OXR1: variants seen among roughly 807,000 people sequenced by gnomAD.
OXR1 encodes oxidation resistance 1.
In OXR1, 41 loss-of-function variants were observed where a neutral mutation model predicts 104.6. The ratio of observed to expected loss-of-function variants is 0.39; its 90% CI spans 0.31 to 0.51. The LOEUF is 0.51. Ranked by LOEUF, OXR1 falls within the 20% of genes least tolerant of loss-of-function variation. OXR1 has a pLI of 0.77. For synonymous variants in OXR1, 348 were observed against 348.4 expected (o/e 1.00, Z 0.01); for missense variants, 955 against 1,031.9 (o/e 0.93, Z 1.02).
intron 2 of OXR1, among the ~76,000 whole-genome samples, chr8:106,471,025 A>G (rs932499568): frequency 3.3e-5 from 5 of 151,716 alleles, no homozygotes; most frequent in Admixed American, 2.6e-4. Context: ...AGAGAATTAG[A>G]GACAATAAAT....
At chr8:106,461,998 T>TTCCA (rs1820941425) in intron 2 of OXR1, among the ~76,000 whole-genome samples, 1 of 152,186 alleles carries the variant, frequency 6.6e-6, no homozygotes, top group African/African-American at 2.4e-5. Context: ...GTGAATTTAT[T>TTCCA]TCCATTTTGT....
intron 3 of OXR1, chr8:106,520,406 A>G (rs569349147): frequency 1.1e-3 from 162 of 152,224 alleles, no homozygotes; most frequent in African/African-American, 3.7e-3. Context: ...TTTGGGTTAA[A>G]TTCCTTCCTT....
At chr8:106,546,162 A>G (rs539822449) in intron 3 of OXR1, among the ~76,000 whole-genome samples, 21 of 152,338 alleles carry the variant, frequency 1.4e-4, no homozygotes, top group African/African-American at 4.6e-4. Context: ...TCACCAGGCT[A>G]CAGGACATTC....
chr8:106,383,677 A>G (rs1817253599), intron 2 of OXR1, among the ~76,000 whole-genome samples: 1 of 152,244 alleles, frequency 6.6e-6, no homozygotes, highest in African/African-American at 2.4e-5. Flanking sequence ...CATAGCTCAC[A>G]GTCTGGTGAA....
chr8:106,710,868 A>G lies in OXR1; in HGVS notation c.1793+78A>G, dbSNP rs919824133. On this transcript the variant is annotated intron_variant, in intron 10 of 16. Transcript: ENST00000517566. ...AATTATTTTGTGTGTCAAAATACCA[A>G]TGATAAACTATTGAAACATAGTTTA... 1.9e-5 allele frequency: 16 copies of G among 862,660 alleles called. No individual in the cohort carries two copies. The South Asian group carries it at 3.1e-4, about 17-fold the overall frequency. 53.4% of individuals were successfully genotyped at this position (862,660 alleles called of 1,614,324 possible).
At chr8:106,695,145 T>C (rs1829881158) in intron 7 of OXR1, among the ~76,000 whole-genome samples, 1 of 150,760 alleles carries the variant, frequency 6.6e-6, no homozygotes, top group Non-Finnish European at 1.5e-5. Flanking sequence ...AATTCATTGT[T>C]ATTATTTTTG....
intron 1 of OXR1, among the ~76,000 whole-genome samples, chr8:106,339,945 A>G (rs925137200): frequency 2.6e-5 from 4 of 152,156 alleles, no homozygotes; most frequent in South Asian, 2.1e-4. Context: ...AATGTGAATC[A>G]ATAAATATTA....
chr8:106,657,299 T>C (rs1044974354), intron 3 of OXR1, among the ~76,000 whole-genome samples: 7 of 143,518 alleles, frequency 4.9e-5, no homozygotes, highest in African/African-American at 1.9e-4. Flanking sequence ...GTTGAAGGTA[T>C]CTCCGCCGTC....
At chr8:106,497,149 T>A (rs528452432) in intron 2 of OXR1, among the ~76,000 whole-genome samples, 1 of 152,318 alleles carries the variant, frequency 6.6e-6, no homozygotes, top group Non-Finnish European at 1.5e-5. Context: ...CCACTAGAGC[T>A]GTTATCTGTG....
chr8:106,346,100 C>T (rs370227672), intron 1 of OXR1, among the ~76,000 whole-genome samples: 2 of 119,944 alleles, frequency 1.7e-5, no homozygotes, highest in South Asian at 6.8e-4. Flanking sequence ...TTTATTCCAC[C>T]CCCCCTACCG....
intron 3 of OXR1, among the ~76,000 whole-genome samples, chr8:106,573,682 A>G (rs1817634223): frequency 6.6e-6 from 1 of 152,226 alleles, no homozygotes; most frequent in African/African-American, 2.4e-5. Flanking sequence ...AAGGGACTGT[A>G]GTGCAGCATT....
intron 3 of OXR1, among the ~76,000 whole-genome samples, chr8:106,635,744 G>A (rs539247938): frequency 4.1e-4 from 63 of 152,052 alleles, no homozygotes; most frequent in East Asian, 9.6e-4. Flanking sequence ...CATTGCACCC[G>A]GCCTCGAATT....
chr8:106,587,209 G>T (rs1286147578), intron 3 of OXR1, among the ~76,000 whole-genome samples: 1 of 152,150 alleles, frequency 6.6e-6, no homozygotes, highest in East Asian at 1.9e-4. Context: ...AGAAGGTTGA[G>T]TCGGTGGGCA....
chr8:106,370,163 G>T (rs1816643009), intron 2 of OXR1, among the ~76,000 whole-genome samples: 2 of 152,280 alleles, frequency 1.3e-5, no homozygotes, highest in South Asian at 4.2e-4. Context: ...TGTAGTGATT[G>T]TGAATCGGAG....
chr8:106,339,293 A>C (rs1815099651), intron 1 of OXR1, among the ~76,000 whole-genome samples: 1 of 151,370 alleles, frequency 6.6e-6, no homozygotes, highest in South Asian at 2.1e-4. Flanking sequence ...CAGGAGATAG[A>C]GACCATCCTG....
chr8:106,404,653 G>A (rs1053340873), intron 2 of OXR1, among the ~76,000 whole-genome samples: 2 of 151,322 alleles, frequency 1.3e-5, no homozygotes, highest in Non-Finnish European at 2.9e-5. Flanking sequence ...AACTTACTAT[G>A]TTTGTTACTT....
chr8:106,646,086 C>A (rs1824054614), intron 3 of OXR1, among the ~76,000 whole-genome samples: 1 of 151,870 alleles, frequency 6.6e-6, no homozygotes, highest in South Asian at 2.1e-4. Flanking sequence ...GCCTGTTCAT[C>A]TTCTTTTTTC....
chr8:106,720,441 T>C (rs530430234), intron 11 of OXR1, among the ~76,000 whole-genome samples: 2 of 152,200 alleles, frequency 1.3e-5, no homozygotes, highest in Non-Finnish European at 2.9e-5. Context: ...GAAGACTCTT[T>C]AGACTATATT....
At chr8:106,718,645 C>T (rs972293246) in intron 11 of OXR1, among the ~76,000 whole-genome samples, 2 of 151,926 alleles carry the variant, frequency 1.3e-5, no homozygotes, top group African/African-American at 4.8e-5. Flanking sequence ...CGAGACCATC[C>T]TGGCTAACAT....
Sources: allele counts gnomAD v4.1 joint callset (sites outside exome capture counted in the v4.1 genomes callset), GRCh38; gene constraint gnomAD v4.1.1; transcripts MANE v1.5; gene names NCBI Gene and HGNC (gene_info 2026-07-23, HGNC 2026-07-21).